The following NUTM1 variants were observed in gnomAD, a reference collection of about 807,000 sequenced individuals.
NUTM1 encodes the protein NUT family member 1.
Under a neutral mutation model 88.7 loss-of-function variants are expected in NUTM1, and 39 were observed. The ratio of observed to expected loss-of-function variants is 0.44; its 90% CI spans 0.34 to 0.57. The LOEUF is 0.57. NUTM1 is among the 20% of genes least tolerant of loss of function. The probability of loss-of-function intolerance (pLI) is 0.01; values close to 1 mark genes in which losing one functional copy is unlikely to be tolerated. For missense variants in NUTM1, 1,350 were observed against 1,414.5 expected, an observed-to-expected ratio of 0.95 and a Z score of 0.73; for synonymous variants, 494 against 538.0, an observed-to-expected ratio of 0.92 and a Z score of 1.13.
chr15:34,344,502 CAAAAAAAAAAAA>C (rs780145688), intron 1 of NUTM1, among the ~76,000 whole-genome samples: 1 of 85,752 alleles, frequency 1.2e-5, no homozygotes, highest in Non-Finnish European at 2.3e-5. Flanking sequence ...GATCCTGTCT[CAAAAAAAAAAAA>C]AAAAAAAAAA....
chr15:34,353,394 C>T (rs180987618), intron 4 of NUTM1, among the ~76,000 whole-genome samples: 10 of 151,768 alleles, frequency 6.6e-5, no homozygotes, highest in Non-Finnish European at 1.3e-4. Flanking sequence ...GGGTTTTTGC[C>T]GTGTTACCCA....
At position 34,348,471 on chromosome 15, in the gene NUTM1, G is replaced by GC. The variant is rs769188861; in HGVS notation, c.607dup (p.Leu203ProfsTer28). The GC allele has an allele frequency of 9.3e-6, 15 of 1,614,132 alleles. No homozygotes were observed. The highest frequency in any genetic ancestry group is 1.3e-5 in the Non-Finnish European group (15 of 1,179,986). On this transcript the variant is annotated frameshift_variant, in exon 3 of 8. Coordinates refer to ENST00000537011, the MANE Select transcript of NUTM1 (RefSeq NM_001284292.2). LOFTEE classifies it high-confidence loss of function. ...CAGTTGCTCAACTGGTCCCCATTGT[G>GC]CCCCTGGAAAAAGCTTGGCCAGGGC...
chr15:34,355,393 C>A lies in NUTM1; in HGVS notation c.1480-95C>A. 7.8e-7 allele frequency: 1 copy of A among 1,284,968 alleles called. No individual in the cohort carries two copies. Among genetic ancestry groups the A allele is most frequent in the East Asian group, 2.3e-5 (1 of 43,098 alleles). The allele number at this position is 1,284,968 out of a possible 1,614,324, so 79.6% of individuals were successfully genotyped here. On this transcript the variant is annotated intron_variant, in intron 7 of 7. Coordinates refer to ENST00000537011, the MANE Select transcript of NUTM1 (RefSeq NM_001284292.2). This position sits in a 1 kb window ranked among gnomAD's most constrained non-coding sequence, Gnocchi z 4.3. The stretch of plus-strand genomic sequence containing the variant: ...ACCATCGCTTAAACTACTTGCTTGC[C>A]TTCCTTGCCCTGCCCAAATACCGTC...
In NUTM1 at chr15:34,343,911, C is replaced by CTTT. The variant is rs767955449; in HGVS notation, c.6+225_6+227dup. Among the ~76,000 whole-genome samples the CTTT allele has an allele frequency of 9.9e-4, 139 of 139,980 alleles. 1 individual carries two copies. The highest frequency in any genetic ancestry group is 3.5e-3 in the African/African-American group (133 of 38,110). The allele number at this position is 139,980 out of a possible 152,430, so 91.8% of individuals were successfully genotyped here. A position where few individuals can be genotyped will look rare whatever the true frequency, so the allele number is the denominator to read the frequency against. On this transcript the variant is annotated intron_variant, in intron 1 of 7. Coordinates refer to ENST00000537011, the MANE Select transcript of NUTM1 (RefSeq NM_001284292.2). The stretch of plus-strand genomic sequence containing the variant: ...AACTGTGTAACCAGAAAAACCTGCA[C>CTTT]TTTTTTTTTTTTTTTTTTAAGAATA...
intron 3 of NUTM1, among the ~76,000 whole-genome samples, chr15:34,349,005 G>A (rs115002340): frequency 6.6e-6 from 1 of 152,136 alleles, no homozygotes; most frequent in African/African-American, 2.4e-5. Flanking sequence ...CACTCTAAGT[G>A]CCAGGGTCCT....
intron 4 of NUTM1, 138 bp downstream of exon 4, chr15:34,350,970 C>T: frequency 9.1e-7 from 1 of 1,102,050 alleles, no homozygotes; most frequent in South Asian, 1.5e-5. Flanking sequence ...TGTAATCCCA[C>T]CACTTTGGGA....
chr15:34,344,528 T>C (rs1160852497), intron 1 of NUTM1, among the ~76,000 whole-genome samples: 1 of 140,254 alleles, frequency 7.1e-6, no homozygotes, highest in Non-Finnish European at 1.5e-5. Flanking sequence ...AAAAAAAGAA[T>C]ATGGTTTGTA....
intron 2 of NUTM1, among the ~76,000 whole-genome samples, chr15:34,346,249 T>A (rs1174002272): frequency 6.6e-6 from 1 of 152,130 alleles, no homozygotes; most frequent in Non-Finnish European, 1.5e-5. Context: ...TGAGGACACA[T>A]GCTGAGTATA....
Position 34,347,165 on chromosome 15 carries a change from CTCTGCACT to C in NUTM1, c.101-802_101-795del, listed in dbSNP as rs1381715041. The stretch of plus-strand genomic sequence containing the variant: ...GGGTGTGGTGGCTCACACCAGTTAT[CTCTGCACT>C]TTGGAAGGCTGAGGCAGGAGGATCA... On this transcript the variant is annotated intron_variant, in intron 2 of 7. Coordinates refer to ENST00000537011, the MANE Select transcript of NUTM1 (RefSeq NM_001284292.2). Among the ~76,000 whole-genome samples the C allele has an allele frequency of 2.0e-5, 3 of 152,168 alleles. No individual in the cohort carries two copies. The East Asian group carries it at 5.8e-4, about 29-fold the overall frequency.
At position 34,350,840 on chromosome 15, in the gene NUTM1, C is replaced by T. The variant is rs776776138; in HGVS notation, c.938+8C>T. 1.4e-5 allele frequency: 22 copies of T among 1,613,648 alleles called. No individual in the cohort carries two copies. Among genetic ancestry groups the T allele is most frequent in the East Asian group, 2.2e-5 (1 of 44,872 alleles). Reference sequence around the variant, plus strand: ...TTATGAGATGGCAGAAAGGTGAGTTCGATGAACCTTCATTCTCCTGAGGGA... The same window carrying T: ...TTATGAGATGGCAGAAAGGTGAGTTTGATGAACCTTCATTCTCCTGAGGGA... On this transcript the variant is annotated splice_region_variant and intron_variant, in intron 4 of 7. Transcript: ENST00000537011.
chr15:34,344,502 C>CA (rs780145688), intron 1 of NUTM1, among the ~76,000 whole-genome samples: 4,518 of 85,216 alleles, frequency 0.053, 140 homozygotes, highest in African/African-American at 0.085. Context: ...GATCCTGTCT[C>CA]AAAAAAAAAA....
At position 34,348,170 on chromosome 15, in the gene NUTM1, C is replaced by T. The variant is rs1175439327; in HGVS notation, c.302C>T (p.Thr101Ile). 1 of 1,614,234 alleles carries T rather than the reference C, an allele frequency of 6.2e-7. No individual in the cohort carries two copies. Among genetic ancestry groups the T allele is most frequent in the Admixed American group, 1.7e-5 (1 of 60,034 alleles). The part of the protein sequence containing the change: ...LSAFPSSLLV[T>I]GDGGPCLSGA... ...GCTTTCCCCAGCTCACTGTTGGTGA[C>T]AGGGGATGGGGGCCCTTGCCTCAGT... Residue 101 changes from threonine (T) to isoleucine (I), a missense_variant, in exon 3 of 8, where the codon ACA becomes ATA. Transcript: ENST00000537011.
chr15:34,355,637 G>A lies in NUTM1; in HGVS notation c.1629G>A (p.Gln543=). 6.2e-7 allele frequency: 1 copy of A among 1,610,044 alleles called. No homozygotes were observed. Among genetic ancestry groups the A allele is most frequent in the Non-Finnish European group, 8.5e-7 (1 of 1,178,348 alleles). ...GGCTTCGGCCCTCACCTGGGCTTCA[G>A]GGGGCTGGGGGCGCCGCTTGCCTTG... The part of the protein sequence containing the change: ...DGRLRPSPGL[Q]GAGGAACLGK... Residue 543 remains glutamine (Q), a synonymous_variant, in exon 8 of 8, where the codon CAG becomes CAA. Coordinates refer to ENST00000537011, the MANE Select transcript of NUTM1 (RefSeq NM_001284292.2). This position sits in a 1 kb window ranked among gnomAD's most constrained non-coding sequence, Gnocchi z 4.3.
At position 34,350,883 on chromosome 15, in the gene NUTM1, C is replaced by A. The variant is rs1423213244; in HGVS notation, c.938+51C>A. The A allele has an allele frequency of 2.5e-6, 4 of 1,608,474 alleles. No individual in the cohort carries two copies. In the South Asian group the frequency reaches 4.4e-5, roughly 18 times the overall value. ...CTGAGGGAGGCTGTGTGGCTGAGAG[C>A]AGTAAGGGCCGCAGAGAGACTTGTG... On this transcript the variant is annotated intron_variant, in intron 4 of 7. Transcript: ENST00000537011.
chr15:34,356,966 T>A lies in NUTM1; in HGVS notation c.2958T>A (p.Thr986=), dbSNP rs1350528338. The A allele has an allele frequency of 1.9e-6, 3 of 1,613,710 alleles. No individual in the cohort carries two copies. The highest frequency in any genetic ancestry group is 2.5e-6 in the Non-Finnish European group (3 of 1,179,978). ...AAGAGAGTCAGGAGTCTTACACAAC[T>A]GGGACTCCCAAAGCAACATCTTCTC... ...PLQESQESYT[T]GTPKATSSHQ... The change falls in exon 8 of 8, where the codon ACT becomes ACA. Residue 986 remains threonine (T), a synonymous_variant. Transcript: ENST00000537011.
chr15:34,355,891 A>T lies in NUTM1; in HGVS notation c.1883A>T (p.His628Leu), dbSNP rs1208192003. Residue 628 changes from histidine (H) to leucine (L), a missense_variant, in exon 8 of 8, where the codon CAT becomes CTT. By Grantham distance (99) the His-to-Leu change is moderately conservative (BLOSUM62 -3). Coordinates refer to ENST00000537011, the MANE Select transcript of NUTM1 (RefSeq NM_001284292.2). This position sits in a 1 kb window ranked among gnomAD's most constrained non-coding sequence, Gnocchi z 4.3. The part of the protein sequence containing the change: ...INQVSLHQDG[H>L]LGGAGPPGHC... Reference sequence around the variant, plus strand: ...CAGGTATCTCTACATCAGGATGGCCATCTAGGAGGCGCTGGGCCTCCTGGG... The same window carrying T: ...CAGGTATCTCTACATCAGGATGGCCTTCTAGGAGGCGCTGGGCCTCCTGGG... 4 of 1,613,794 alleles carry T rather than the reference A, an allele frequency of 2.5e-6. No homozygotes were observed. In the Admixed American group the frequency reaches 6.7e-5, roughly 27 times the overall value.
chr15:34,343,475 T>C lies in NUTM1; in HGVS notation c.-222T>C, dbSNP rs1890523752. 6 of 1,060,554 alleles carry C rather than the reference T, an allele frequency of 5.7e-6. No individual in the cohort carries two copies. The South Asian group carries it at 6.5e-5, about 12-fold the overall frequency. 65.7% of individuals were successfully genotyped at this position (1,060,554 alleles called of 1,614,324 possible). ...CAAGGGCTCCAGGATTCAGAGCCCC[T>C]TTACCCTAGGGAAGAAAGAAGAGGT... On this transcript the variant is annotated 5_prime_UTR_variant, in exon 1 of 8. Coordinates refer to ENST00000537011, the MANE Select transcript of NUTM1 (RefSeq NM_001284292.2).
At chr15:34,352,038 C>T (rs570783789) in intron 4 of NUTM1, among the ~76,000 whole-genome samples, 7 of 152,122 alleles carry the variant, frequency 4.6e-5, no homozygotes, top group East Asian at 1.9e-4. Flanking sequence ...GGCATGGTGG[C>T]GCATGCCTGT....
chr15:34,354,058 C>G lies in NUTM1; in HGVS notation c.1075+186C>G, dbSNP rs542553557. ...GTTCTCAGGTTCCTTTTGCCCTGAA[C>G]TAGGTATTGATCTTGGTGAAGTAAA... On this transcript the variant is annotated intron_variant, in intron 5 of 7. Transcript: ENST00000537011. Among the ~76,000 whole-genome samples the G allele has an allele frequency of 2.6e-5, 4 of 152,180 alleles. 1 individual carries two copies. The highest frequency in any genetic ancestry group is 5.9e-5 in the Non-Finnish European group (4 of 68,032).
Sources: gnomAD v4.1 joint callset for allele counts (sites outside exome capture counted in the v4.1 genomes callset) on GRCh38, gnomAD v4.1.1 for gene constraint, Gnocchi (gnomAD v3.1) non-coding constraint, MANE v1.5 for transcripts, NCBI Gene and HGNC (gene_info 2026-07-23, HGNC 2026-07-21) for gene names.